The following KCNMA1 variants were observed in gnomAD, a reference collection of about 807,000 sequenced individuals.
KCNMA1 encodes Calcium-activated potassium channel subunit alpha-1.
In KCNMA1, 29 loss-of-function variants were observed where a neutral mutation model predicts 140.0. The observed-to-expected ratio is 0.21, with a 90% confidence interval of 0.15 to 0.28. The LOEUF is 0.28. KCNMA1 is among the 10% of genes least tolerant of loss of function. KCNMA1 has a pLI of 1.00. For synonymous variants in KCNMA1, 612 were observed against 611.9 expected, an observed-to-expected ratio of 1.00 and a Z score of 0.00; for missense variants, 880 against 1,602.2, an observed-to-expected ratio of 0.55 and a Z score of 7.70.
chr10:77,523,199 A>T (rs999789574), intron 1 of KCNMA1, among the ~76,000 whole-genome samples: 2 of 131,978 alleles, frequency 1.5e-5, no homozygotes, highest in Admixed American at 7.6e-5. Flanking sequence ...TCAACCTTGG[A>T]CGTGCCCCCC....
At chr10:77,189,890 C>A (rs965919898) in intron 3 of KCNMA1, among the ~76,000 whole-genome samples, 13 of 152,154 alleles carry the variant, frequency 8.5e-5, no homozygotes, top group African/African-American at 3.1e-4. Flanking sequence ...AAATGTCATT[C>A]ATCCACCATC....
intron 2 of KCNMA1, among the ~76,000 whole-genome samples, chr10:77,318,342 C>T (rs1028540891): frequency 2.6e-5 from 4 of 152,262 alleles, no homozygotes; most frequent in African/African-American, 9.6e-5. Flanking sequence ...AAACGTGAGG[C>T]TCAAGATCAG....
At chr10:77,366,213 T>C (rs1266792285) in intron 2 of KCNMA1, among the ~76,000 whole-genome samples, 1 of 151,998 alleles carries the variant, frequency 6.6e-6, no homozygotes, top group African/African-American at 2.4e-5. Context: ...TTGTCACCCA[T>C]GCTGGAGTGC....
chr10:77,490,516 C>A (rs1425248622), intron 1 of KCNMA1, among the ~76,000 whole-genome samples: 1 of 152,180 alleles, frequency 6.6e-6, no homozygotes, highest in African/African-American at 2.4e-5. Flanking sequence ...ACAGTTTTTG[C>A]TAGTTTAATA....
chr10:76,948,267 A>C (rs938012791), intron 22 of KCNMA1, among the ~76,000 whole-genome samples: 2 of 152,134 alleles, frequency 1.3e-5, no homozygotes, highest in East Asian at 1.9e-4. Context: ...CAGCATCCCA[A>C]AATGCAGGGA....
At chr10:76,984,599 T>C (rs777183381) in intron 19 of KCNMA1, among the ~76,000 whole-genome samples, 8 of 152,208 alleles carry the variant, frequency 5.3e-5, no homozygotes, top group Non-Finnish European at 1.0e-4. Flanking sequence ...CCCCTCATTA[T>C]CCTGAGGTGA....
At chr10:77,190,762 C>A (rs538600247) in intron 3 of KCNMA1, among the ~76,000 whole-genome samples, 1 of 152,070 alleles carries the variant, frequency 6.6e-6, no homozygotes, top group Admixed American at 6.6e-5. Context: ...TCTGGGACCC[C>A]GTGTGGGGTG....
chr10:77,245,839 T>C (rs1565465798), intron 3 of KCNMA1, among the ~76,000 whole-genome samples: 1 of 152,122 alleles, frequency 6.6e-6, no homozygotes, highest in Non-Finnish European at 1.5e-5. Context: ...CTCTCCTTGT[T>C]TTTTGTTCAT....
chr10:77,047,872 C>A (rs1313058806), intron 14 of KCNMA1, among the ~76,000 whole-genome samples: 1 of 152,078 alleles, frequency 6.6e-6, no homozygotes, highest in Non-Finnish European at 1.5e-5. Flanking sequence ...CAAACCAACC[C>A]CAGAATAGTT....
At chr10:76,943,336 G>A (rs112983732) in intron 23 of KCNMA1, among the ~76,000 whole-genome samples, 61 of 152,272 alleles carry the variant, frequency 4.0e-4, no homozygotes, top group African/African-American at 1.2e-3. Flanking sequence ...CAGGGAGGAC[G>A]GTGGCATGGA....
intron 14 of KCNMA1, among the ~76,000 whole-genome samples, chr10:77,046,879 G>A (rs1438455345): frequency 1.3e-5 from 2 of 152,186 alleles, no homozygotes; most frequent in East Asian, 1.9e-4. Flanking sequence ...GCTTTCTGGG[G>A]TGGAGTTAAC....
At chr10:77,169,993 C>T (rs968488169) in intron 5 of KCNMA1, among the ~76,000 whole-genome samples, 3 of 152,148 alleles carry the variant, frequency 2.0e-5, no homozygotes, top group Non-Finnish European at 2.9e-5. Flanking sequence ...GTGTTCAAGA[C>T]CAGCCTGTCC....
rs76327561 is a variant in KCNMA1 at position 77,575,779 on chromosome 10, G to A, written c.378+61486C>T. 2.3e-3 allele frequency among the ~76,000 whole-genome samples: 350 copies of A among 152,326 alleles called. 2 individuals are homozygous for A. Among genetic ancestry groups the A allele is most frequent in the African/African-American group, 7.7e-3 (322 of 41,574 alleles). ...CTTTATCTCCCCAGGAGTTTCCAAC[G>A]TGCAGGTGCTCTGGCTCTTGGTTAT... On this transcript the variant is annotated intron_variant, in intron 1 of 27. Coordinates refer to ENST00000286628, the MANE Select transcript of KCNMA1 (RefSeq NM_001161352.2).
intron 14 of KCNMA1, among the ~76,000 whole-genome samples, chr10:77,069,132 A>G (rs2096082193): frequency 6.6e-6 from 1 of 152,226 alleles, no homozygotes; most frequent in African/African-American, 2.4e-5. Context: ...GCAATAGCAG[A>G]TAGGCTAAGT....
chr10:77,275,444 G>GT (rs1369344159), intron 2 of KCNMA1, among the ~76,000 whole-genome samples: 1 of 152,100 alleles, frequency 6.6e-6, no homozygotes, highest in African/African-American at 2.4e-5. Context: ...TCACCTAGTC[G>GT]TAAGCCTGTA....
intron 5 of KCNMA1, among the ~76,000 whole-genome samples, chr10:77,147,490 C>A (rs1346281792): frequency 6.6e-6 from 1 of 152,080 alleles, no homozygotes; most frequent in Non-Finnish European, 1.5e-5. Context: ...CTAATTCAGC[C>A]CATTCTTCCC....
At chr10:77,346,408 C>T (rs535200140) in intron 2 of KCNMA1, among the ~76,000 whole-genome samples, 2 of 152,300 alleles carry the variant, frequency 1.3e-5, no homozygotes, top group East Asian at 1.9e-4. Context: ...CCCTCCTATT[C>T]CAGCATCTTG....
intron 12 of KCNMA1, among the ~76,000 whole-genome samples, chr10:77,080,509 G>C (rs981060372): frequency 6.6e-6 from 1 of 152,122 alleles, no homozygotes; most frequent in African/African-American, 2.4e-5. Context: ...TGCAGACACT[G>C]GGCCAGGTTA....
At chr10:77,047,820 G>T (rs975307541) in intron 14 of KCNMA1, among the ~76,000 whole-genome samples, 1 of 152,068 alleles carries the variant, frequency 6.6e-6, no homozygotes, top group Non-Finnish European at 1.5e-5. Context: ...TCTTATTTGG[G>T]TAAATTGAGC....
Sources: allele counts gnomAD v4.1 joint callset (sites outside exome capture counted in the v4.1 genomes callset), GRCh38; gene constraint gnomAD v4.1.1; transcripts MANE v1.5; gene names NCBI Gene and HGNC (gene_info 2026-07-23, HGNC 2026-07-21).